The following EXOC6B variants were observed in gnomAD, a reference collection of about 807,000 sequenced individuals.
EXOC6B encodes the protein exocyst complex component 6B, also known as SEC15 homolog B.
EXOC6B carries 54 observed loss-of-function variants against 113.5 expected under a neutral mutation model. That is an observed-to-expected ratio of 0.48 (90% CI 0.38 to 0.60). EXOC6B has a LOEUF of 0.60. Among genes scored for constraint, EXOC6B ranks in the 20% least tolerant of loss-of-function variants. EXOC6B has a pLI of 0.00. For missense variants in EXOC6B, 797 were observed against 977.5 expected (o/e 0.82, Z 2.46); for synonymous variants, 357 against 339.0 (o/e 1.05, Z -0.58).
chr2:72,312,380 A>G (rs1250205857), intron 20 of EXOC6B, among the ~76,000 whole-genome samples: 4 of 152,102 alleles, frequency 2.6e-5, no homozygotes, highest in Admixed American at 2.6e-4. Flanking sequence ...TATTAATTAA[A>G]AGAGTTGGGT....
chr2:72,495,175 C>T (rs1261866181), intron 15 of EXOC6B, among the ~76,000 whole-genome samples: 2 of 152,020 alleles, frequency 1.3e-5, no homozygotes, highest in Non-Finnish European at 2.9e-5. Context: ...TTCTAGTAAA[C>T]TGTCATTAAT....
At position 72,357,843 on chromosome 2, in the gene EXOC6B, C is replaced by T. The variant is rs145748665; in HGVS notation, c.2122+21886G>A. ...TTACAACTGCCTATGGTATCTAGTA[C>T]TATTATACATGCTGTACAGGTTTGT... On this transcript the variant is annotated intron_variant, in intron 19 of 21. Coordinates refer to ENST00000272427, the MANE Select transcript of EXOC6B (RefSeq NM_015189.3). Among the ~76,000 whole-genome samples the T allele has an allele frequency of 6.0e-3, 919 of 152,228 alleles. 6 individuals carry two copies. The highest frequency in any genetic ancestry group is 9.5e-3 in the Non-Finnish European group (644 of 68,022).
intron 18 of EXOC6B, among the ~76,000 whole-genome samples, chr2:72,408,120 T>C (rs1428138651): frequency 6.6e-6 from 1 of 152,126 alleles, no homozygotes; most frequent in East Asian, 1.9e-4. Flanking sequence ...TCACAATTGC[T>C]TTAAAGAGAA....
chr2:72,242,354 G>A (rs969403125), intron 20 of EXOC6B, among the ~76,000 whole-genome samples: 13 of 152,052 alleles, frequency 8.5e-5, no homozygotes, highest in African/African-American at 2.9e-4. Context: ...ATATTATAAG[G>A]GACAAGAGGG....
intron 20 of EXOC6B, among the ~76,000 whole-genome samples, chr2:72,184,398 A>T (rs1451899235): frequency 6.6e-6 from 1 of 152,262 alleles, no homozygotes; most frequent in Non-Finnish European, 1.5e-5. Flanking sequence ...TGCCATAAGC[A>T]GTATGGAAAC....
At chr2:72,187,145 C>T (rs1678493283) in intron 20 of EXOC6B, among the ~76,000 whole-genome samples, 1 of 152,142 alleles carries the variant, frequency 6.6e-6, no homozygotes, top group African/African-American at 2.4e-5. Context: ...ACCAGGTGCA[C>T]TGCATGCAGC....
At chr2:72,528,940 G>C (rs1248017993) in intron 8 of EXOC6B, among the ~76,000 whole-genome samples, 1 of 152,020 alleles carries the variant, frequency 6.6e-6, no homozygotes, top group East Asian at 1.9e-4. Context: ...CTTAGTCCTA[G>C]TACTGGATTC....
chr2:72,503,426 C>T (rs1700432688), intron 11 of EXOC6B, among the ~76,000 whole-genome samples: 1 of 152,188 alleles, frequency 6.6e-6, no homozygotes, highest in African/African-American at 2.4e-5. Context: ...TCCAGAATGG[C>T]ATATAGTTGG....
intron 20 of EXOC6B, among the ~76,000 whole-genome samples, chr2:72,326,332 T>C (rs1177294409): frequency 6.6e-6 from 1 of 152,070 alleles, no homozygotes. Flanking sequence ...TGGTAGAGGT[T>C]AGGGAGAAAC....
chr2:72,226,434 T>G (rs1681245431), intron 20 of EXOC6B, among the ~76,000 whole-genome samples: 1 of 152,066 alleles, frequency 6.6e-6, no homozygotes, highest in Non-Finnish European at 1.5e-5. Context: ...CCCCCAAAAG[T>G]TTATTTAAAA....
In EXOC6B at chr2:72,575,549, C is replaced by T. The variant is rs753145570; in HGVS notation, c.789G>A (p.Pro263=). 9.9e-6 allele frequency: 16 copies of T among 1,610,854 alleles called. No homozygotes were observed. The East Asian group carries it at 1.1e-4, about 11-fold the overall frequency. ...IFDTEIESTS[P]KSEQDSGILD... is the part of the protein sequence containing the mutation. ...GAATTCCTGAATCCTGTTCAGACTT[C>T]GGACTAGTACTTTCTATCTCTGTAT... The change falls in exon 7 of 22, where the codon CCG becomes CCA. Residue 263 remains proline, a synonymous_variant. Coordinates refer to ENST00000272427, the MANE Select transcript of EXOC6B (RefSeq NM_015189.3).
intron 18 of EXOC6B, among the ~76,000 whole-genome samples, chr2:72,395,333 T>C (rs1692655716): frequency 6.6e-6 from 1 of 152,108 alleles, no homozygotes; most frequent in East Asian, 1.9e-4. Flanking sequence ...AACTTCCACA[T>C]ACAACTTATT....
At chr2:72,183,518 G>T (rs1678224025) in intron 21 of EXOC6B, among the ~76,000 whole-genome samples, 1 of 152,176 alleles carries the variant, frequency 6.6e-6, no homozygotes, top group South Asian at 2.1e-4. Flanking sequence ...CTTAAGGCAA[G>T]AATTAGACAC....
chr2:72,291,841 T>C (rs7559131), intron 20 of EXOC6B, among the ~76,000 whole-genome samples: 61,742 of 152,038 alleles, frequency 0.41, 17,652 homozygotes, highest in African/African-American at 0.81. Context: ...GAACTTCCCA[T>C]TGAAATATTC....
At chr2:72,746,904 A>C (rs1681734766) in intron 1 of EXOC6B, among the ~76,000 whole-genome samples, 2 of 152,088 alleles carry the variant, frequency 1.3e-5, no homozygotes, top group South Asian at 4.1e-4. Context: ...ATGGAAGACA[A>C]AGCTCTCATT....
intron 6 of EXOC6B, among the ~76,000 whole-genome samples, chr2:72,657,521 C>T (rs1490438255): frequency 6.6e-6 from 1 of 150,732 alleles, no homozygotes; most frequent in African/African-American, 2.4e-5. Context: ...CATGAGCCAC[C>T]ACACCTGGCT....
At chr2:72,641,284 G>A (rs1429430797) in intron 6 of EXOC6B, among the ~76,000 whole-genome samples, 1 of 152,206 alleles carries the variant, frequency 6.6e-6, no homozygotes, top group Admixed American at 6.5e-5. Context: ...GGGCACAAGG[G>A]GTCAGGGGAT....
At chr2:72,682,091 G>C (rs1158021228) in intron 6 of EXOC6B, among the ~76,000 whole-genome samples, 2 of 150,458 alleles carry the variant, frequency 1.3e-5, no homozygotes, top group Non-Finnish European at 2.9e-5. Flanking sequence ...TTAATTCCTA[G>C]AACCAAAGTC....
chr2:72,699,234 C>T (rs938485862), intron 6 of EXOC6B, among the ~76,000 whole-genome samples: 4 of 152,180 alleles, frequency 2.6e-5, no homozygotes, highest in African/African-American at 9.7e-5. Context: ...AATCCCAGCA[C>T]TTTGGGAAGC....
Sources: allele counts gnomAD v4.1 joint callset (sites outside exome capture counted in the v4.1 genomes callset), GRCh38; gene constraint gnomAD v4.1.1; transcripts MANE v1.5; gene names NCBI Gene and HGNC (gene_info 2026-07-23, HGNC 2026-07-21).